EPB41L3: variants seen among roughly 807,000 people sequenced by gnomAD.
EPB41L3 encodes the protein band 4.1-like protein 3.
EPB41L3 carries 57 observed loss-of-function variants against 127.1 expected under a neutral mutation model. That is an observed-to-expected ratio of 0.45 (90% CI 0.36 to 0.56). The LOEUF is 0.56. Among genes scored for constraint, EPB41L3 ranks in the 20% least tolerant of loss-of-function variants. The probability of loss-of-function intolerance (pLI) is 0.00; values close to 1 mark genes in which losing one functional copy is unlikely to be tolerated. For synonymous variants in EPB41L3, 572 were observed against 549.5 expected (o/e 1.04, Z -0.57); for missense variants, 1,273 against 1,372.2 (o/e 0.93, Z 1.14).
At chr18:5,464,310 T>C (rs540173301) in intron 3 of EPB41L3, among the ~76,000 whole-genome samples, 1 of 152,320 alleles carries the variant, frequency 6.6e-6, no homozygotes, top group African/African-American at 2.4e-5. Context: ...ACTGGGGACC[T>C]GCTTACCCAT....
chr18:5,439,947 G>C (rs1314916621), intron 5 of EPB41L3, among the ~76,000 whole-genome samples: 2 of 152,120 alleles, frequency 1.3e-5, no homozygotes, highest in Non-Finnish European at 2.9e-5. Flanking sequence ...GTTTAGCAAT[G>C]TAATTATACA....
At chr18:5,471,229 T>G (rs533701327) in intron 3 of EPB41L3, among the ~76,000 whole-genome samples, 11 of 152,312 alleles carry the variant, frequency 7.2e-5, no homozygotes, top group African/African-American at 2.2e-4. Context: ...AAGCTTGCTT[T>G]CTTTCTGAAG....
chr18:5,503,763 TTCTG>T (rs1206717902), intron 1 of EPB41L3, among the ~76,000 whole-genome samples: 1 of 152,234 alleles, frequency 6.6e-6, no homozygotes, highest in African/African-American at 2.4e-5. Context: ...TTTTAATGCT[TTCTG>T]TGTTTCATAG....
At chr18:5,513,558 A>G (rs969675799) in intron 1 of EPB41L3, among the ~76,000 whole-genome samples, 7 of 152,178 alleles carry the variant, frequency 4.6e-5, no homozygotes, top group African/African-American at 1.7e-4. Flanking sequence ...CTAGAGGGTA[A>G]GAGTCTATCT....
In EPB41L3 at chr18:5,419,752, C is replaced by T; in HGVS notation, c.1465G>A (p.Glu489Lys). 1 of 1,614,186 alleles carries T rather than the reference C, an allele frequency of 6.2e-7. No individual in the cohort carries two copies. Among genetic ancestry groups the T allele is most frequent in the East Asian group, 2.2e-5 (1 of 44,866 alleles). The change falls in exon 12 of 23, where the codon GAA becomes AAA. Residue 489 changes from glutamate to lysine, a missense_variant. Glu to Lys is a moderately conservative substitution (Grantham distance 56). Around this residue, in one of 3 missense-constraint regions of EPB41L3, gnomAD observed 765 missense variants for 782.9 expected, o/e 0.98. Coordinates refer to ENST00000341928, the MANE Select transcript of EPB41L3 (RefSeq NM_012307.5). Reference sequence around the variant, plus strand: ...ATGGCCGAGATGGGCGTGACTTCTTCCCCCTTCCTCCGTTTGTCCTCTTCC... The same window carrying T: ...ATGGCCGAGATGGGCGTGACTTCTTTCCCCTTCCTCCGTTTGTCCTCTTCC... ...DEEEDKRRKG[E>K]EVTPISAIRH...
intron 3 of EPB41L3, among the ~76,000 whole-genome samples, chr18:5,569,174 C>T (rs1599029588): frequency 6.6e-6 from 1 of 152,256 alleles, no homozygotes; most frequent in Non-Finnish European, 1.5e-5. Context: ...CAAAACAAAA[C>T]AGTAACATTA....
chr18:5,438,154 T>G (rs544970296), intron 5 of EPB41L3, 44 bp from the exon 6 acceptor site: 1 of 1,580,054 alleles, frequency 6.3e-7, no homozygotes, highest in African/African-American at 1.3e-5. Context: ...TGAGAAATTC[T>G]TATGACTCTA....
intron 16 of EPB41L3, among the ~76,000 whole-genome samples, chr18:5,405,435 T>C (rs2075214307): frequency 6.6e-6 from 1 of 152,190 alleles, no homozygotes; most frequent in Non-Finnish European, 1.5e-5. Context: ...TGTCTAACAG[T>C]AGACAGTCAA....
In EPB41L3 at chr18:5,410,565, C is replaced by A. The variant is rs1309268984; in HGVS notation, c.2121+1G>T. On this transcript the variant is annotated splice_donor_variant, in intron 14 of 22. Transcript: ENST00000341928. LOFTEE classifies it high-confidence loss of function. ...CAGCCACTCTCAGCCAAAATACCAACCTCAGTGGCAGTGGTCTCCCCGTCG... is the reference window on the plus strand; with the variant it reads ...CAGCCACTCTCAGCCAAAATACCAAACTCAGTGGCAGTGGTCTCCCCGTCG... The A allele has an allele frequency of 6.2e-7, 1 of 1,613,314 alleles. No homozygotes were observed.
Position 5,475,886 on chromosome 18 carries a change from A to G in EPB41L3, c.381+2355T>C, listed in dbSNP as rs956591292. Among the ~76,000 whole-genome samples the G allele has an allele frequency of 2.6e-5, 4 of 152,110 alleles. No individual in the cohort carries two copies. In the South Asian group the frequency reaches 8.3e-4, roughly 32 times the overall value. ...CAGCTGTGTTTCTGTGCCTTCGTCA[A>G]GTCTTTGATACAGATTCAGTTTCAA... On this transcript the variant is annotated intron_variant, in intron 3 of 22. Coordinates refer to ENST00000341928, the MANE Select transcript of EPB41L3 (RefSeq NM_012307.5).
At position 5,559,413 on chromosome 18, in the gene EPB41L3, C is replaced by T. The variant is rs535140446; in HGVS notation, c.-306+52927G>A. ...AGAAATCTTACACTGGAGCTGTGAA[C>T]ACCCAGCTAACTCAATAGCCACTAG... On this transcript the variant is annotated intron_variant, in intron 3 of 21. Transcript: ENST00000545076. Among the ~76,000 whole-genome samples, 4 of 152,290 alleles carry T rather than the reference C, an allele frequency of 2.6e-5. No homozygotes were observed. The East Asian group carries it at 7.7e-4, about 29-fold the overall frequency.
chr18:5,407,636 A>G, intron 15 of EPB41L3, 65 bp downstream of exon 15: 1 of 1,546,370 alleles, frequency 6.5e-7, no homozygotes. Flanking sequence ...CTGTAGACAA[A>G]CAATGACTTA....
rs2143798668 is a variant in EPB41L3, at chr18:5,397,514, T to C, written c.2473-88A>G. Reference sequence around the variant, plus strand: ...TAAAGCTGCCACTCGCCAGGATGTCTAAAGCCAGCAGCAAGTGCTTATAAC... The same window carrying C: ...TAAAGCTGCCACTCGCCAGGATGTCCAAAGCCAGCAGCAAGTGCTTATAAC... On this transcript the variant is annotated intron_variant, in intron 17 of 22. Transcript: ENST00000341928. This position sits in a 1 kb window ranked among gnomAD's most constrained non-coding sequence, Gnocchi z 4.1. The C allele has an allele frequency of 6.9e-7, 1 of 1,457,322 alleles. No homozygotes were observed. The highest frequency in any genetic ancestry group is 2.3e-5 in the East Asian group (1 of 43,398). 90.3% of individuals were successfully genotyped at this position (1,457,322 alleles called of 1,614,324 possible). A position where few individuals can be genotyped will look rare whatever the true frequency, so the allele number is the denominator to read the frequency against.
At chr18:5,539,800 A>G (rs1334814319) in intron 1 of EPB41L3, 3 of 152,224 alleles carry the variant, frequency 2.0e-5, no homozygotes, top group African/African-American at 7.2e-5. Flanking sequence ...GTCTCTGATC[A>G]TCTCTGCACT....
intron 3 of EPB41L3, among the ~76,000 whole-genome samples, chr18:5,456,921 C>A (rs144062257): frequency 1.5e-4 from 23 of 152,324 alleles, no homozygotes; most frequent in African/African-American, 5.5e-4. Context: ...TGGGCTCAGC[C>A]CAGTGAGAAG....
intron 3 of EPB41L3, among the ~76,000 whole-genome samples, chr18:5,597,018 T>G (rs1412082525): frequency 6.6e-6 from 1 of 151,704 alleles, no homozygotes; most frequent in Non-Finnish European, 1.5e-5. Context: ...AGTCTAGGAG[T>G]TCAAAGCCAG....
chr18:5,575,329 T>C (rs755343786), intron 3 of EPB41L3, among the ~76,000 whole-genome samples: 1 of 152,036 alleles, frequency 6.6e-6, no homozygotes, highest in African/African-American at 2.4e-5. Flanking sequence ...GTGGGAGGTG[T>C]TGGGGTCATG....
intron 1 of EPB41L3, among the ~76,000 whole-genome samples, chr18:5,542,918 G>A (rs1222241126): frequency 1.3e-5 from 2 of 152,152 alleles, no homozygotes; most frequent in African/African-American, 2.4e-5. Context: ...AAGCCCCTGC[G>A]GCAGCAGCCA....
At chr18:5,446,838 T>A (rs2081547623) in intron 3 of EPB41L3, among the ~76,000 whole-genome samples, 1 of 152,256 alleles carries the variant, frequency 6.6e-6, no homozygotes, top group East Asian at 1.9e-4. Context: ...GCTCATCGGC[T>A]ATGAATAAAT....
Sources: allele counts gnomAD v4.1 joint callset (sites outside exome capture counted in the v4.1 genomes callset), GRCh38; gene constraint gnomAD v4.1.1; regional missense constraint gnomAD v4.1.1; non-coding constraint Gnocchi (gnomAD v3.1); transcripts MANE v1.5; gene names NCBI Gene and HGNC (gene_info 2026-07-23, HGNC 2026-07-21).